MAPRE2: variants seen among roughly 807,000 people sequenced by gnomAD.
MAPRE2 encodes the protein microtubule-associated protein RP/EB family member 2.
In MAPRE2, 13 loss-of-function variants were observed where a neutral mutation model predicts 43.2. The observed-to-expected ratio is 0.30, with a 90% CI of 0.20 to 0.48. MAPRE2 has a LOEUF of 0.48. Among genes scored for constraint, MAPRE2 ranks in the 20% least tolerant of loss-of-function variants. The pLI is 0.99. For missense variants in MAPRE2, 161 were observed against 400.2 expected (o/e 0.40, Z 5.10); for synonymous variants, 135 against 148.8 (o/e 0.91, Z 0.68).
intron 2 of MAPRE2, among the ~76,000 whole-genome samples, chr18:35,011,660 A>G (rs775392314): frequency 1.2e-4 from 18 of 152,050 alleles, no homozygotes; most frequent in Admixed American, 3.9e-4. Flanking sequence ...CAGGCGGAAG[A>G]TGATTAGCAT....
chr18:35,003,063 C>T (rs995162849), intron 1 of MAPRE2, among the ~76,000 whole-genome samples: 5 of 152,106 alleles, frequency 3.3e-5, no homozygotes, highest in African/African-American at 1.2e-4. Context: ...ATTTTGAGTT[C>T]GTTTTTACGT....
intron 2 of MAPRE2, among the ~76,000 whole-genome samples, chr18:35,096,740 AATAAGT>A (rs1328999098): frequency 6.6e-5 from 10 of 152,138 alleles, no homozygotes; most frequent in Middle Eastern, 6.9e-3. Context: ...CTTAATAATT[AATAAGT>A]ATAAGTAATA....
chr18:35,005,188 C>G (rs1315225052), intron 1 of MAPRE2, among the ~76,000 whole-genome samples: 3 of 151,896 alleles, frequency 2.0e-5, no homozygotes, highest in Admixed American at 2.0e-4. Context: ...ACTATCAGGG[C>G]AGGGGAAAAA....
intron 1 of MAPRE2, among the ~76,000 whole-genome samples, chr18:34,979,790 G>A (rs1201487294): frequency 6.6e-6 from 1 of 152,006 alleles, no homozygotes; most frequent in African/African-American, 2.4e-5. Flanking sequence ...ATTAACCAAA[G>A]GTTTCTTGCC....
chr18:35,013,464 T>C (rs376331631), intron 2 of MAPRE2, among the ~76,000 whole-genome samples: 21 of 152,326 alleles, frequency 1.4e-4, no homozygotes, highest in African/African-American at 5.1e-4. Context: ...ATGTAAGTAA[T>C]TATATCAGGG....
At chr18:35,006,082 G>A (rs763471401) in intron 2 of MAPRE2, among the ~76,000 whole-genome samples, 3 of 152,014 alleles carry the variant, frequency 2.0e-5, no homozygotes, top group Non-Finnish European at 4.4e-5. Context: ...CAGTTATTTC[G>A]AACTATTACT....
At chr18:35,012,164 A>G (rs1160239105) in intron 2 of MAPRE2, among the ~76,000 whole-genome samples, 1 of 152,196 alleles carries the variant, frequency 6.6e-6, no homozygotes, top group Non-Finnish European at 1.5e-5. Context: ...ACGTGAGGAC[A>G]AGAATCAGAA....
chr18:35,089,620 AT>A (rs1908044332), intron 2 of MAPRE2, among the ~76,000 whole-genome samples: 1 of 152,224 alleles, frequency 6.6e-6, no homozygotes, highest in Non-Finnish European at 1.5e-5. Flanking sequence ...CTTCACATCC[AT>A]TAGGATGGTT....
At position 35,108,512 on chromosome 18, in the gene MAPRE2, GT is replaced by G. The variant is rs1909016722; in HGVS notation, c.610+6358del. 2.6e-5 allele frequency among the ~76,000 whole-genome samples: 4 copies of G among 152,230 alleles called. 1 individual carries two copies. Among genetic ancestry groups the G allele is most frequent in the Admixed American group, 2.6e-4 (4 of 15,288 alleles). ...AGTAATGGGATTGCTGGGTCAAATG[GT>G]TTTTCTGATTCTAGATCCTTCAGAA... On this transcript the variant is annotated intron_variant, in intron 4 of 6. Coordinates refer to ENST00000300249, the MANE Select transcript of MAPRE2 (RefSeq NM_014268.4).
At chr18:35,042,307 T>C (rs981526903) in intron 1 of MAPRE2, among the ~76,000 whole-genome samples, 2 of 152,162 alleles carry the variant, frequency 1.3e-5, no homozygotes, top group Non-Finnish European at 2.9e-5. Context: ...CTGTTATGCA[T>C]TTTCTAAGGA....
chr18:35,101,292 A>G (rs1908667259), intron 3 of MAPRE2, among the ~76,000 whole-genome samples: 1 of 152,092 alleles, frequency 6.6e-6, no homozygotes, highest in South Asian at 2.1e-4. Context: ...GTAGGTGTGT[A>G]TATTTATGGG....
chr18:35,013,121 G>A (rs1342714778), intron 2 of MAPRE2, among the ~76,000 whole-genome samples: 1 of 152,158 alleles, frequency 6.6e-6, no homozygotes, highest in South Asian at 2.1e-4. Context: ...TAGTGATCTT[G>A]GTGAGAATAA....
chr18:35,025,937 G>A (rs190097646), intron 2 of MAPRE2, among the ~76,000 whole-genome samples: 1 of 152,188 alleles, frequency 6.6e-6, no homozygotes, highest in Non-Finnish European at 1.5e-5. Context: ...TCTATACACG[G>A]TGGGGCATAA....
intron 1 of MAPRE2, among the ~76,000 whole-genome samples, chr18:35,044,250 G>C (rs1043002281): frequency 6.6e-6 from 1 of 151,890 alleles, no homozygotes; most frequent in South Asian, 2.1e-4. Context: ...CTTTTTTTGC[G>C]ACAGAATTTT....
chr18:35,116,359 G>T (rs1909411780), intron 4 of MAPRE2, among the ~76,000 whole-genome samples: 2 of 152,144 alleles, frequency 1.3e-5, no homozygotes, highest in South Asian at 4.1e-4. Context: ...TCTTCTTATT[G>T]CTACAAAAAT....
chr18:35,050,162 A>G (rs1184991115), intron 1 of MAPRE2, among the ~76,000 whole-genome samples: 2 of 151,786 alleles, frequency 1.3e-5, no homozygotes, highest in Non-Finnish European at 2.9e-5. Context: ...TTTTTTTTCT[A>G]AACTGAAACT....
At chr18:35,090,399 T>C (rs1329386904) in intron 2 of MAPRE2, among the ~76,000 whole-genome samples, 2 of 152,028 alleles carry the variant, frequency 1.3e-5, no homozygotes, top group East Asian at 1.9e-4. Context: ...CCAGAGTAAT[T>C]AGACAGGAGA....
At chr18:35,114,393 C>T (rs1909316604) in intron 4 of MAPRE2, among the ~76,000 whole-genome samples, 1 of 152,092 alleles carries the variant, frequency 6.6e-6, no homozygotes, top group Non-Finnish European at 1.5e-5. Context: ...CATTTCCTTT[C>T]ATCCTTACAG....
intron 1 of MAPRE2, among the ~76,000 whole-genome samples, chr18:34,987,932 C>T (rs530136487): frequency 1.3e-5 from 2 of 152,166 alleles, no homozygotes; most frequent in South Asian, 2.1e-4. Flanking sequence ...CATGAGCCAC[C>T]GCACCTGGCC....
Sources: gnomAD v4.1 joint callset for allele counts (sites outside exome capture counted in the v4.1 genomes callset) on GRCh38, gnomAD v4.1.1 for gene constraint, MANE v1.5 for transcripts, NCBI Gene and HGNC (gene_info 2026-07-23, HGNC 2026-07-21) for gene names.